Variants in CCBE1 observed in about 807,000 individuals in gnomAD.
The protein encoded by CCBE1 is collagen and calcium binding EGF domains 1, also known as collagen and calcium-binding EGF domain-containing protein 1.
Under a neutral mutation model 50.0 loss-of-function variants are expected in CCBE1, and 37 were observed. That is an observed-to-expected ratio of 0.74 (90% CI 0.57 to 0.97). The LOEUF is 0.97. CCBE1 is among the 50% of genes least tolerant of loss of function. The probability of loss-of-function intolerance (pLI) is 0.00; values close to 1 mark genes in which losing one functional copy is unlikely to be tolerated. For synonymous variants in CCBE1, 234 were observed against 203.7 expected (o/e 1.15, Z -1.27); for missense variants, 538 against 523.8 (o/e 1.03, Z -0.26).
chr18:59,448,119 G>A lies in CCBE1; in HGVS notation c.655-16C>T. ...GCAGAGCAATCTGCAAGGAGAAGAG[G>A]AAGCCTCAGTCAGGAAGCAATGGCA... is the stretch of plus-strand genomic sequence containing the variant. On this transcript the variant is annotated splice_polypyrimidine_tract_variant and intron_variant, in intron 6 of 10. Coordinates refer to ENST00000439986, the MANE Select transcript of CCBE1 (RefSeq NM_133459.4). 2 of 1,613,760 alleles carry A rather than the reference G, an allele frequency of 1.2e-6. No homozygotes were observed. Among genetic ancestry groups the A allele is most frequent in the Non-Finnish European group, 1.7e-6 (2 of 1,179,994 alleles).
At chr18:59,518,901 T>G (rs2144319541) in intron 2 of CCBE1, among the ~76,000 whole-genome samples, 1 of 152,254 alleles carries the variant, frequency 6.6e-6, no homozygotes, top group Non-Finnish European at 1.5e-5. Flanking sequence ...GACTGACAGC[T>G]CCCTTGCCCC....
Position 59,506,197 on chromosome 18 carries a change from C to T in CCBE1, c.213-25959G>A, listed in dbSNP as rs147227606. On this transcript the variant is annotated intron_variant, in intron 2 of 10. Coordinates refer to ENST00000439986, the MANE Select transcript of CCBE1 (RefSeq NM_133459.4). ...CACAGAGACATGGAGAAGGTGGTCACGTAAAGATGGAGGCAGAGATTGGAG... is the reference window on the plus strand; with the variant it reads ...CACAGAGACATGGAGAAGGTGGTCATGTAAAGATGGAGGCAGAGATTGGAG... 8.5e-5 allele frequency among the ~76,000 whole-genome samples: 13 copies of T among 152,122 alleles called. No individual in the cohort carries two copies. In the East Asian group the frequency reaches 1.5e-3, roughly 18 times the overall value.
intron 2 of CCBE1, among the ~76,000 whole-genome samples, chr18:59,488,917 C>G (rs1912957972): frequency 6.6e-6 from 1 of 152,124 alleles, no homozygotes; most frequent in Admixed American, 6.6e-5. Flanking sequence ...GTGCTGCAAG[C>G]AGGGACATCA....
rs896574062 is a variant in CCBE1, at chr18:59,696,429, A to G, written c.212+200T>C. ...ATCTCAGGGCACACACCCTAGACGC[A>G]AAGTCAGTTGCTCAGTGTTGCTCTG... On this transcript the variant is annotated intron_variant, in intron 2 of 10. Coordinates refer to ENST00000439986, the MANE Select transcript of CCBE1 (RefSeq NM_133459.4). 3 of 1,383,084 alleles carry G rather than the reference A, an allele frequency of 2.2e-6. No individual in the cohort carries two copies. In the African/African-American group the frequency reaches 4.3e-5, roughly 20 times the overall value. The allele number at this position is 1,383,084 out of a possible 1,614,324, so 85.7% of individuals were successfully genotyped here.
chr18:59,573,312 T>TATA (rs1392749747), intron 2 of CCBE1, among the ~76,000 whole-genome samples: 14 of 141,512 alleles, frequency 9.9e-5, no homozygotes, highest in Non-Finnish European at 1.7e-4. Context: ...TGTATGTATG[T>TATA]GATAGGCCTC....
intron 2 of CCBE1, among the ~76,000 whole-genome samples, chr18:59,574,754 G>A (rs1423288332): frequency 6.6e-6 from 1 of 152,144 alleles, no homozygotes; most frequent in African/African-American, 2.4e-5. Flanking sequence ...TGCCTGGGGT[G>A]AGGACAGACT....
intron 2 of CCBE1, among the ~76,000 whole-genome samples, chr18:59,643,854 G>C (rs760503930): frequency 6.6e-6 from 1 of 151,808 alleles, no homozygotes; most frequent in African/African-American, 2.4e-5. Flanking sequence ...AGGTTGAACA[G>C]GTTTCGAAAC....
intron 2 of CCBE1, among the ~76,000 whole-genome samples, chr18:59,508,553 C>T (rs1271682000): frequency 3.3e-5 from 5 of 151,876 alleles, no homozygotes; most frequent in South Asian, 2.1e-4. Context: ...ACTGAGATTA[C>T]ACCACTATAC....
chr18:59,551,569 C>T (rs1192470525), intron 2 of CCBE1, among the ~76,000 whole-genome samples: 11 of 152,246 alleles, frequency 7.2e-5, no homozygotes, highest in Admixed American at 7.2e-4. Flanking sequence ...ACAGGACCCC[C>T]TGTCCTATAT....
intron 2 of CCBE1, among the ~76,000 whole-genome samples, chr18:59,561,955 G>A (rs1017369680): frequency 1.3e-5 from 2 of 152,130 alleles, no homozygotes; most frequent in Admixed American, 6.5e-5. Context: ...ATTGCCCCCT[G>A]AGGTGTTCTT....
intron 2 of CCBE1, among the ~76,000 whole-genome samples, chr18:59,515,103 T>C (rs1327714315): frequency 6.6e-6 from 1 of 152,164 alleles, no homozygotes; most frequent in Non-Finnish European, 1.5e-5. Context: ...AAGTAAGAAG[T>C]GCAGAGGTGC....
chr18:59,579,458 G>C (rs983768195), intron 2 of CCBE1, among the ~76,000 whole-genome samples: 1 of 151,614 alleles, frequency 6.6e-6, no homozygotes, highest in Non-Finnish European at 1.5e-5. Context: ...CAGAGGTCCC[G>C]GTATGTCACC....
intron 2 of CCBE1, among the ~76,000 whole-genome samples, chr18:59,516,922 CCTTT>C (rs1568182322): frequency 6.6e-6 from 1 of 152,216 alleles, no homozygotes; most frequent in Non-Finnish European, 1.5e-5. Flanking sequence ...CACCGGGTAA[CCTTT>C]CTTATCACTA....
intron 2 of CCBE1, among the ~76,000 whole-genome samples, chr18:59,644,415 T>C (rs1381269113): frequency 1.3e-5 from 2 of 152,204 alleles, no homozygotes; most frequent in East Asian, 3.8e-4. Flanking sequence ...AGTTCTGTTC[T>C]CCCTGTCTTC....
chr18:59,663,177 G>C (rs1201914355), intron 2 of CCBE1, among the ~76,000 whole-genome samples: 1 of 152,206 alleles, frequency 6.6e-6, no homozygotes, highest in Non-Finnish European at 1.5e-5. Flanking sequence ...GAGAGAAGAA[G>C]ATCCTAATGG....
chr18:59,568,839 T>A (rs2144478768), intron 2 of CCBE1, among the ~76,000 whole-genome samples: 1 of 152,322 alleles, frequency 6.6e-6, no homozygotes, highest in East Asian at 1.9e-4. Flanking sequence ...TGTGGTAGGC[T>A]GCAGTGCCAC....
rs1180589620 is a variant in CCBE1, at chr18:59,433,630, A to T, written c.*2278T>A. On this transcript the variant is annotated 3_prime_UTR_variant, in exon 11 of 11. Coordinates refer to ENST00000439986, the MANE Select transcript of CCBE1 (RefSeq NM_133459.4). ...GGATATTTTTTTTTTTTTGAGACAG[A>T]GTCTCGCTCTGTCGCCCAGGCTGGA... 1 of 150,268 alleles carries T rather than the reference A, an allele frequency of 6.7e-6. No homozygotes were observed. Among genetic ancestry groups the T allele is most frequent in the African/African-American group, 2.5e-5 (1 of 40,658 alleles). 9.3% of individuals were successfully genotyped at this position (150,268 alleles called of 1,614,324 possible).
intron 2 of CCBE1, among the ~76,000 whole-genome samples, chr18:59,681,549 C>A (rs575018415): frequency 2.8e-4 from 43 of 152,266 alleles, no homozygotes; most frequent in Non-Finnish European, 4.6e-4. Context: ...GATACTTCAC[C>A]CTGTGTTCTG....
At chr18:59,590,745 G>A (rs1001414443) in intron 2 of CCBE1, among the ~76,000 whole-genome samples, 1 of 152,188 alleles carries the variant, frequency 6.6e-6, no homozygotes, top group Non-Finnish European at 1.5e-5. Context: ...ATGAAACATG[G>A]TAACTCAAAT....
Sources: allele counts gnomAD v4.1 joint callset (sites outside exome capture counted in the v4.1 genomes callset), GRCh38; gene constraint gnomAD v4.1.1; transcripts MANE v1.5; gene names NCBI Gene and HGNC (gene_info 2026-07-23, HGNC 2026-07-21).